Variants in PRDM16 observed in about 807,000 individuals in gnomAD.
PRDM16 encodes the protein PR/SET domain 16, also known as histone-lysine N-methyltransferase PRDM16.
A neutral mutation model predicts 110.6 loss-of-function variants in PRDM16; 23 were observed. The observed-to-expected ratio is 0.21, with a 90% CI of 0.15 to 0.29. The LOEUF is 0.29. PRDM16 is among the 10% of genes least tolerant of loss of function. The pLI is 1.00. For synonymous variants in PRDM16, 799 were observed against 781.8 expected (o/e 1.02, Z -0.37); for missense variants, 1,615 against 1,794.3 (o/e 0.90, Z 1.81).
At chr1:3,119,841 CA>C (rs1253088322) in intron 1 of PRDM16, among the ~76,000 whole-genome samples, 3 of 152,238 alleles carry the variant, frequency 2.0e-5, no homozygotes, top group Admixed American at 2.0e-4. Context: ...CCCTGCTCAG[CA>C]GCTGACACAG....
At chr1:3,380,559 G>A (rs1468766455) in intron 3 of PRDM16, among the ~76,000 whole-genome samples, 3 of 152,160 alleles carry the variant, frequency 2.0e-5, no homozygotes, top group Non-Finnish European at 2.9e-5. Flanking sequence ...GTTGCCTCTG[G>A]TCTCCAGGCC....
chr1:3,336,127 G>A (rs545782925), intron 3 of PRDM16, among the ~76,000 whole-genome samples: 1 of 152,328 alleles, frequency 6.6e-6, no homozygotes, highest in South Asian at 2.1e-4. Flanking sequence ...TGTGGGGTCT[G>A]ACTGCTAGGC....
intron 3 of PRDM16, among the ~76,000 whole-genome samples, chr1:3,334,308 G>T (rs569147632): frequency 8.5e-5 from 13 of 152,074 alleles, no homozygotes; most frequent in Non-Finnish European, 1.0e-4. Context: ...GGATGTAGGG[G>T]TTGCCACAGG....
rs1638638990 is a variant in PRDM16, at chr1:3,201,917, CCTTCGAG to C, written c.387+15445_387+15451del. The stretch of plus-strand genomic sequence containing the variant: ...CTCTCGGAGGGACCTCCAAGTGGAG[CCTTCGAG>C]CAAGGGGTCCAGCTCCTGTAGGTTT... On this transcript the variant is annotated intron_variant, in intron 2 of 16. Transcript: ENST00000270722. This position sits in a 1 kb window ranked among gnomAD's most constrained non-coding sequence, Gnocchi z 4.1. Among the ~76,000 whole-genome samples the C allele has an allele frequency of 6.6e-6, 1 of 152,204 alleles. No homozygotes were observed. The highest frequency in any genetic ancestry group is 2.4e-5 in the African/African-American group (1 of 41,464).
rs1243267080 is a variant in PRDM16, at chr1:3,280,917, A to G, written c.438+36780A>G. On this transcript the variant is annotated intron_variant, in intron 3 of 16. Transcript: ENST00000270722. ...TGCGGAGCCCCCAGGGCTTTTGTCA[A>G]ATCTCCATCCATGGGTTTTGTTTTC... Among the ~76,000 whole-genome samples, 15 of 152,270 alleles carry G rather than the reference A, an allele frequency of 9.9e-5. No homozygotes were observed. The East Asian group carries it at 2.9e-3, about 29-fold the overall frequency.
chr1:3,181,460 A>ACG (rs1315406374), intron 1 of PRDM16, among the ~76,000 whole-genome samples: 1 of 42,020 alleles, frequency 2.4e-5, no homozygotes, highest in African/African-American at 5.2e-5. Context: ...GGTCTTACAC[A>ACG]CGGTCTTACA....
chr1:3,183,766 C>T (rs1054271104), intron 1 of PRDM16, among the ~76,000 whole-genome samples: 1 of 152,214 alleles, frequency 6.6e-6, no homozygotes, highest in Admixed American at 6.5e-5. Flanking sequence ...ATGTTTTAAA[C>T]GGAGCCCTGC....
At chr1:3,181,818 ATGCGGTCTTACACATT>A in intron 1 of PRDM16, among the ~76,000 whole-genome samples, 1 of 49,322 alleles carries the variant, frequency 2.0e-5, no homozygotes, top group Non-Finnish European at 7.6e-5. Flanking sequence ...GGTCTTACAC[ATGCGGTCTTACACATT>A]CAGTCTTACA....
chr1:3,146,222 C>T (rs986276733), intron 1 of PRDM16, among the ~76,000 whole-genome samples: 1 of 152,146 alleles, frequency 6.6e-6, no homozygotes, highest in Admixed American at 6.5e-5. Flanking sequence ...AGGGTGGAAA[C>T]GGGGGGGCCC....
Position 3,289,452 on chromosome 1 carries a change from C to G in PRDM16, c.438+45315C>G, listed in dbSNP as rs370638688. ...CAGCGAGTTCCCACCTGCAGCTTCC[C>G]CACGCTGTTTTTGTTTGGTGCTTCC... On this transcript the variant is annotated intron_variant, in intron 3 of 16. Coordinates refer to ENST00000270722, the MANE Select transcript of PRDM16 (RefSeq NM_022114.4). Among the ~76,000 whole-genome samples the G allele has an allele frequency of 2.0e-4, 31 of 152,362 alleles. No homozygotes were observed. The East Asian group carries it at 3.9e-3, about 19-fold the overall frequency.
intron 3 of PRDM16, among the ~76,000 whole-genome samples, chr1:3,272,612 G>A (rs1049277733): frequency 2.0e-5 from 3 of 152,198 alleles, no homozygotes; most frequent in Admixed American, 1.3e-4. Flanking sequence ...CCCAGCTCCC[G>A]TGTGCAGGTC....
rs138601346 is a variant in PRDM16 at position 3,416,547 on chromosome 1, G to A, written c.2692-1281G>A. On this transcript the variant is annotated intron_variant, in intron 10 of 16. Coordinates refer to ENST00000270722, the MANE Select transcript of PRDM16 (RefSeq NM_022114.4). ...CCGTGGAGGCTGGGTGCCAAGGACCGGCACCCTGGCCAGTTCCTCCCAGTG... is the reference window on the plus strand; with the variant it reads ...CCGTGGAGGCTGGGTGCCAAGGACCAGCACCCTGGCCAGTTCCTCCCAGTG... 1.3e-3 allele frequency among the ~76,000 whole-genome samples: 191 copies of A among 152,292 alleles called. No homozygotes were observed. The East Asian group carries it at 0.022, about 17-fold the overall frequency.
Position 3,239,825 on chromosome 1 carries a change from C to T in PRDM16, c.388-4262C>T, listed in dbSNP as rs1639619718. On this transcript the variant is annotated intron_variant, in intron 2 of 16. Coordinates refer to ENST00000270722, the MANE Select transcript of PRDM16 (RefSeq NM_022114.4). ...ATTAGCCAGACATGGTGGAGCATGC[C>T]TCTAATCCTAGCTATTTGGGAGGCA... 3.3e-5 allele frequency among the ~76,000 whole-genome samples: 5 copies of T among 151,902 alleles called. 1 individual carries two copies. In the South Asian group the frequency reaches 1.0e-3, roughly 32 times the overall value.
At chr1:3,219,297 A>G (rs1240951765) in intron 2 of PRDM16, among the ~76,000 whole-genome samples, 2 of 152,238 alleles carry the variant, frequency 1.3e-5, no homozygotes, top group Non-Finnish European at 2.9e-5. Context: ...GTGAAAGAAA[A>G]TGTTTCACAC....
chr1:3,236,158 G>A (rs1355188267), intron 2 of PRDM16, among the ~76,000 whole-genome samples: 2 of 152,146 alleles, frequency 1.3e-5, no homozygotes, highest in African/African-American at 2.4e-5. Context: ...ACTCTACCTT[G>A]TGCCCCGAGG....
At chr1:3,289,837 A>G (rs950578044) in intron 3 of PRDM16, among the ~76,000 whole-genome samples, 1 of 151,988 alleles carries the variant, frequency 6.6e-6, no homozygotes, top group Non-Finnish European at 1.5e-5. Flanking sequence ...GCTCCCACCC[A>G]GGAGTCAGGA....
chr1:3,391,326 C>T (rs372335589), intron 4 of PRDM16, among the ~76,000 whole-genome samples: 55 of 152,198 alleles, frequency 3.6e-4, no homozygotes, highest in Admixed American at 8.5e-4. Context: ...TCCCATTTTA[C>T]GGGGCCCCCT....
At chr1:3,170,522 G>T (rs1414387626) in intron 1 of PRDM16, among the ~76,000 whole-genome samples, 2 of 152,190 alleles carry the variant, frequency 1.3e-5, no homozygotes, top group Non-Finnish European at 2.9e-5. Flanking sequence ...GCCCAAGGTG[G>T]CACCAGTTTC....
At chr1:3,272,065 G>A (rs920607825) in intron 3 of PRDM16, among the ~76,000 whole-genome samples, 1 of 152,202 alleles carries the variant, frequency 6.6e-6, no homozygotes, top group Non-Finnish European at 1.5e-5. Flanking sequence ...GTGTCAGGAG[G>A]ACAAGAACTT....
Sources: gnomAD v4.1 joint callset for allele counts (sites outside exome capture counted in the v4.1 genomes callset) on GRCh38, gnomAD v4.1.1 for gene constraint, Gnocchi (gnomAD v3.1) non-coding constraint, MANE v1.5 for transcripts, NCBI Gene and HGNC (gene_info 2026-07-23, HGNC 2026-07-21) for gene names.